ZMIZ2: variants seen among roughly 807,000 people sequenced by gnomAD.
The protein encoded by ZMIZ2 is zinc finger MIZ-type containing 2, also known as zinc finger MIZ domain-containing protein 2.
In ZMIZ2, 26 loss-of-function variants were observed where a neutral mutation model predicts 93.9. That is an observed-to-expected ratio of 0.28 (90% CI 0.20 to 0.38). ZMIZ2 has a LOEUF of 0.38. Among genes scored for constraint, ZMIZ2 ranks in the 10% least tolerant of loss-of-function variants. ZMIZ2 has a pLI of 1.00. For synonymous variants in ZMIZ2, 485 were observed against 516.4 expected, an observed-to-expected ratio of 0.94 and a Z score of 0.82; for missense variants, 1,023 against 1,235.0, an observed-to-expected ratio of 0.83 and a Z score of 2.57.
rs199763511 is a variant in ZMIZ2 at position 44,765,285 on chromosome 7, G to C, written c.1998-50G>C. 1 of 1,600,446 alleles carries C rather than the reference G, an allele frequency of 6.2e-7. No homozygotes were observed. The highest frequency in any genetic ancestry group is 8.5e-7 in the Non-Finnish European group (1 of 1,172,060). ...AGGGCTGGGAGGGGCAGTGGGTGCC[G>C]GGCCAGCAGCAGGCCAGGAGGTAAC... On this transcript the variant is annotated intron_variant, in intron 15 of 18. Transcript: ENST00000309315. This position sits in a 1 kb window ranked among gnomAD's most constrained non-coding sequence, Gnocchi z 4.1.
chr7:44,758,467 GT>G (rs1583628361), intron 6 of ZMIZ2, among the ~76,000 whole-genome samples: 1 of 125,152 alleles, frequency 8.0e-6, no homozygotes, highest in African/African-American at 3.1e-5. Context: ...GTGAGACCCT[GT>G]TTCAAAAAAA....
chr7:44,751,781 C>T (rs2116609340), intron 1 of ZMIZ2, among the ~76,000 whole-genome samples: 1 of 152,294 alleles, frequency 6.6e-6, no homozygotes, highest in East Asian at 1.9e-4. Context: ...CATGGCGAAA[C>T]TTCATCTCCA....
At chr7:44,755,682 C>T (rs1488560724) in intron 1 of ZMIZ2, among the ~76,000 whole-genome samples, 2 of 152,204 alleles carry the variant, frequency 1.3e-5, no homozygotes, top group African/African-American at 4.8e-5. Context: ...GCCTCCAGAA[C>T]CGCCTATGCC....
At chr7:44,758,885 G>T (rs1471760771) in intron 6 of ZMIZ2, among the ~76,000 whole-genome samples, 3 of 145,396 alleles carry the variant, frequency 2.1e-5, no homozygotes, top group Non-Finnish European at 3.0e-5. Context: ...CTGCACTCCA[G>T]CCTGGGTGAC....
chr7:44,763,720 G>A lies in ZMIZ2; in HGVS notation c.1860+307G>A, dbSNP rs751858297. 2.0e-5 allele frequency: 7 copies of A among 345,282 alleles called. No homozygotes were observed. Among genetic ancestry groups the A allele is most frequent in the Non-Finnish European group, 2.7e-5 (5 of 187,552 alleles). The allele number at this position is 345,282 out of a possible 1,614,324, so 21.4% of individuals were successfully genotyped here. ...TGCCCTACCCCCAAGGGTGACCATC[G>A]TTAGCATCTGTCTTTGCAGAAATAC... On this transcript the variant is annotated intron_variant, in intron 13 of 18. Coordinates refer to ENST00000309315, the MANE Select transcript of ZMIZ2 (RefSeq NM_031449.4). This position sits in a 1 kb window ranked among gnomAD's most constrained non-coding sequence, Gnocchi z 5.6.
Position 44,756,479 on chromosome 7 carries a change from G to A in ZMIZ2, c.105G>A (p.Pro35=), listed in dbSNP as rs759480693. The A allele has an allele frequency of 3.7e-6, 6 of 1,613,940 alleles. No homozygotes were observed. In the South Asian group the frequency reaches 4.4e-5, roughly 12 times the overall value. The part of the protein sequence containing the change: ...SVPWQQSATQ[P]AGSLSVVTTV... ...CTTGGCAACAAAGCGCCACTCAGCC[G>A]GCTGGATCGCTGTCTGTGGTCACTA... The change falls in exon 3 of 19, where the codon CCG becomes CCA. Residue 35 remains proline, a synonymous_variant. Coordinates refer to ENST00000309315, the MANE Select transcript of ZMIZ2 (RefSeq NM_031449.4).
chr7:44,762,797 A>G (rs576309857), intron 11 of ZMIZ2, 84 bp from the exon 12 acceptor site: 2 of 933,562 alleles, frequency 2.1e-6, no homozygotes, highest in African/African-American at 2.1e-5. Context: ...AGCCCCTGAC[A>G]CACAACCCCC....
At position 44,765,104 on chromosome 7, in the gene ZMIZ2, C is replaced by T. The variant is rs2116882039; in HGVS notation, c.1997+95C>T. On this transcript the variant is annotated intron_variant, in intron 15 of 18. Transcript: ENST00000309315. The surrounding 1 kb of genome is among the most constrained non-coding windows in gnomAD (Gnocchi z 4.1). ...ATGTCCCTTGCCAAGTGCAGCCTTC[C>T]AGCCTTTTTCCGGCATGGAGCAGGC... 1.3e-6 allele frequency: 2 copies of T among 1,545,182 alleles called. No homozygotes were observed. Among genetic ancestry groups the T allele is most frequent in the Non-Finnish European group, 1.8e-6 (2 of 1,127,206 alleles).
At chr7:44,750,736 G>A (rs915325836) in intron 1 of ZMIZ2, among the ~76,000 whole-genome samples, 9 of 152,130 alleles carry the variant, frequency 5.9e-5, no homozygotes, top group Admixed American at 3.3e-4. Context: ...TCTGACCCCC[G>A]AGAAAGCCTT....
intron 7 of ZMIZ2, 92 bp from the exon 8 acceptor site, chr7:44,760,059 G>T: frequency 7.7e-7 from 1 of 1,290,760 alleles, no homozygotes; most frequent in South Asian, 1.2e-5. Flanking sequence ...GTGTAAAGAA[G>T]ACCGTGTATG....
chr7:44,756,746 TCTC>T (rs1327060932), intron 3 of ZMIZ2, 198 bp from the exon 4 acceptor site: 4 of 786,094 alleles, frequency 5.1e-6, no homozygotes, highest in Non-Finnish European at 8.1e-6. Flanking sequence ...GGGATTTTCT[TCTC>T]CTGTCTTCAC....
rs746124009 is a variant in ZMIZ2 at position 44,757,415 on chromosome 7, C to A, written c.406C>A (p.His136Asn). 6.2e-7 allele frequency: 1 copy of A among 1,604,228 alleles called. No individual in the cohort carries two copies. Among genetic ancestry groups the A allele is most frequent in the South Asian group, 1.1e-5 (1 of 91,070 alleles). Residue 136 changes from histidine to asparagine, a missense_variant, in exon 5 of 19, where the codon CAT becomes AAT. His to Asn is a moderately conservative substitution (Grantham distance 68). This residue lies in a region of ZMIZ2 where 656 missense variants were observed against 777.1 expected (regional missense o/e 0.84). Transcript: ENST00000309315. Reference protein sequence around the residue: ...GGPGGLGLPSHAARPSTDFTQ... With the variant: ...GGPGGLGLPSNAARPSTDFTQ... ...CCCGGGGGGCCTGGGCCTCCCCTCACATGCTGCAAGACCCTCCACTGACTT... is the reference window on the plus strand; with the variant it reads ...CCCGGGGGGCCTGGGCCTCCCCTCAAATGCTGCAAGACCCTCCACTGACTT...
Position 44,761,501 on chromosome 7 carries a change from G to T in ZMIZ2, c.1293G>T (p.Val431=). ...TGACCTTCCCTGTGCGCGATGGGGTGGTCCTGGAGCCCTTCCGCCTGCAGC... is the reference window on the plus strand; with the variant it reads ...TGACCTTCCCTGTGCGCGATGGGGTTGTCCTGGAGCCCTTCCGCCTGCAGC... The part of the protein sequence containing the change: ...LRLTFPVRDG[V]VLEPFRLQHN... The change falls in exon 10 of 19, where the codon GTG becomes GTT. Residue 431 remains valine, a synonymous_variant. Transcript: ENST00000309315. This position sits in a 1 kb window ranked among gnomAD's most constrained non-coding sequence, Gnocchi z 5.8. 1 of 1,614,104 alleles carries T rather than the reference G, an allele frequency of 6.2e-7. No homozygotes were observed. Among genetic ancestry groups the T allele is most frequent in the Non-Finnish European group, 8.5e-7 (1 of 1,180,036 alleles).
At chr7:44,755,418 C>T (rs1448348589) in intron 1 of ZMIZ2, among the ~76,000 whole-genome samples, 6 of 152,310 alleles carry the variant, frequency 3.9e-5, no homozygotes, top group South Asian at 2.1e-4. Flanking sequence ...ATATCAGCCT[C>T]GGGCAGCCCC....
chr7:44,766,664 G>A lies in ZMIZ2; in HGVS notation c.2655+1G>A. 1 of 1,612,900 alleles carries A rather than the reference G, an allele frequency of 6.2e-7. No individual in the cohort carries two copies. Among genetic ancestry groups the A allele is most frequent in the Non-Finnish European group, 8.5e-7 (1 of 1,179,894 alleles). On this transcript the variant is annotated splice_donor_variant, in intron 18 of 18. Coordinates refer to ENST00000309315, the MANE Select transcript of ZMIZ2 (RefSeq NM_031449.4). LOFTEE classifies it high-confidence loss of function. This position sits in a 1 kb window ranked among gnomAD's most constrained non-coding sequence, Gnocchi z 4.4. ...GGAGGCCCCAGAACCAGCTCTGGAC[G>A]TGAGTACCAGGCCCCATGCGGGGGA...
Position 44,766,179 on chromosome 7 carries a change from G to A in ZMIZ2, c.2258G>A (p.Gly753Glu), listed in dbSNP as rs1320660092. ...CCTCTCACAGGTTCCAGCTTCCTGG[G>A]GCCTGGAACTTTCCCTGAGTCCTTC... ...DYPGQGSSFLGPGTFPESFPP... is the reference protein window; with the variant it reads ...DYPGQGSSFLEPGTFPESFPP... Residue 753 changes from glycine (G) to glutamate (E), a missense_variant, in exon 17 of 19, where the codon GGG (glycine) becomes GAG (glutamate). Around this residue, in one of 3 missense-constraint regions of ZMIZ2, gnomAD observed 319 missense variants for 358.8 expected, o/e 0.89. Coordinates refer to ENST00000309315, the MANE Select transcript of ZMIZ2 (RefSeq NM_031449.4). The surrounding 1 kb of genome is among the most constrained non-coding windows in gnomAD (Gnocchi z 4.4). 3.1e-6 allele frequency: 5 copies of A among 1,612,040 alleles called. No homozygotes were observed. In the African/African-American group the frequency reaches 5.3e-5, roughly 17 times the overall value.
At chr7:44,753,211 AT>A (rs35194113) in intron 1 of ZMIZ2, among the ~76,000 whole-genome samples, 70,074 of 144,794 alleles carry the variant, frequency 0.48, 16,978 homozygotes, top group East Asian at 0.76. Flanking sequence ...TTTAATTTTA[AT>A]TTTTTTTTTT....
At position 44,762,875 on chromosome 7, in the gene ZMIZ2, T is replaced by C; in HGVS notation, c.1597-6T>C. ...CCCCTGATGACATCCTCCCGTTGTA[T>C]TGCAGTCCCACCTCTTCGTGCTGCA... On this transcript the variant is annotated splice_region_variant and splice_polypyrimidine_tract_variant and intron_variant, in intron 11 of 18. Coordinates refer to ENST00000309315, the MANE Select transcript of ZMIZ2 (RefSeq NM_031449.4). The C allele has an allele frequency of 6.2e-7, 1 of 1,602,450 alleles. No homozygotes were observed. The highest frequency in any genetic ancestry group is 1.1e-5 in the South Asian group (1 of 90,228).
intron 18 of ZMIZ2, 58 bp from the exon 19 acceptor site, chr7:44,767,458 C>A (rs1258036945): frequency 3.6e-6 from 5 of 1,385,990 alleles, no homozygotes; most frequent in East Asian, 4.6e-5. Flanking sequence ...ACAGGATGGT[C>A]ACTCAGGTGT....
Sources: gnomAD v4.1 joint callset for allele counts (sites outside exome capture counted in the v4.1 genomes callset) on GRCh38, gnomAD v4.1.1 for gene constraint, gnomAD v4.1.1 regional missense constraint, Gnocchi (gnomAD v3.1) non-coding constraint, MANE v1.5 for transcripts, NCBI Gene and HGNC (gene_info 2026-07-23, HGNC 2026-07-21) for gene names.